The following GPC3 variants were observed in gnomAD, a reference collection of about 807,000 sequenced individuals.
GPC3 encodes glypican-3.
GPC3 carries 3 observed loss-of-function variants against 34.4 expected under a neutral mutation model. The ratio of observed to expected loss-of-function variants is 0.09; its 90% confidence interval spans 0.04 to 0.23. The LOEUF (loss-of-function observed/expected upper bound fraction) is 0.23, where lower values mean the gene tolerates loss of function less well. Ranked by LOEUF, GPC3 falls within the 10% of genes least tolerant of loss-of-function variation. The pLI, the probability that GPC3 is intolerant of heterozygous loss-of-function variation, is 1.00. For synonymous variants in GPC3, 177 were observed against 174.0 expected (o/e 1.02, Z -0.13); for missense variants, 351 against 445.6 (o/e 0.79, Z 1.91).
intron 7 of GPC3, among the ~76,000 whole-genome samples, chrX:133,575,712 G>A (rs745945435): frequency 1.8e-5 from 2 of 111,654 alleles, no homozygotes; most frequent in East Asian, 5.6e-4. Flanking sequence ...ATATACTGAG[G>A]CCGGATGGTC....
intron 2 of GPC3, among the ~76,000 whole-genome samples, chrX:133,800,435 C>A (rs1301965068): frequency 8.9e-6 from 1 of 111,806 alleles, no homozygotes; most frequent in Non-Finnish European, 1.9e-5. Context: ...AATTCCAAGC[C>A]CCACTCTAAA....
intron 2 of GPC3, among the ~76,000 whole-genome samples, chrX:133,884,309 C>G (rs1254310906): frequency 8.9e-6 from 1 of 111,810 alleles, no homozygotes; most frequent in East Asian, 2.8e-4. Flanking sequence ...GTCGTCTCTA[C>G]TTCCAGAGTC....
intron 1 of GPC3, among the ~76,000 whole-genome samples, chrX:133,955,274 T>C (rs762010064): frequency 4.9e-4 from 54 of 111,149 alleles, no homozygotes; most frequent in African/African-American, 1.7e-3. Flanking sequence ...CACAGGGGAC[T>C]TTGGCTTGAG....
intron 7 of GPC3, among the ~76,000 whole-genome samples, chrX:133,576,236 G>T (rs745516386): frequency 9.8e-4 from 108 of 110,429 alleles, no homozygotes; most frequent in Non-Finnish European, 1.4e-3. Context: ...CTGTTTTTTT[G>T]TTTGTTTGTT....
At chrX:133,805,645 A>G (rs1310402900) in intron 2 of GPC3, among the ~76,000 whole-genome samples, 3 of 112,183 alleles carry the variant, frequency 2.7e-5, no homozygotes, top group Non-Finnish European at 5.6e-5. Context: ...ACTTTGACCA[A>G]GTTCCTTAAC....
At chrX:133,902,757 G>A (rs1437836983) in intron 2 of GPC3, among the ~76,000 whole-genome samples, 1 of 111,438 alleles carries the variant, frequency 9.0e-6, no homozygotes, top group Non-Finnish European at 1.9e-5. Context: ...TTTAGGATAT[G>A]TAAAACAAAA....
At chrX:133,607,232 A>G (rs2070060111) in intron 6 of GPC3, among the ~76,000 whole-genome samples, 1 of 110,057 alleles carries the variant, frequency 9.1e-6, no homozygotes, top group South Asian at 4.0e-4. Context: ...CAGGGTAGCT[A>G]GTATAAAGTT....
At chrX:133,907,807 G>A (rs1183660377) in intron 2 of GPC3, among the ~76,000 whole-genome samples, 1 of 110,996 alleles carries the variant, frequency 9.0e-6, no homozygotes, top group Non-Finnish European at 1.9e-5. Context: ...TAAAATTCTT[G>A]GATCAAACAA....
intron 7 of GPC3, among the ~76,000 whole-genome samples, chrX:133,583,812 T>C (rs1424387324): frequency 8.9e-6 from 1 of 112,180 alleles, no homozygotes; most frequent in African/African-American, 3.2e-5. Context: ...ATGTCATGCA[T>C]TGGCTCCAGA....
At chrX:133,727,013 G>C (rs1237708571) in intron 3 of GPC3, among the ~76,000 whole-genome samples, 2 of 111,964 alleles carry the variant, frequency 1.8e-5, no homozygotes, top group East Asian at 5.6e-4. Flanking sequence ...TTCTCAAAGG[G>C]AAAGGCAATA....
intron 6 of GPC3, among the ~76,000 whole-genome samples, chrX:133,606,936 A>T (rs2070057096): frequency 9.0e-6 from 1 of 111,714 alleles, no homozygotes; most frequent in African/African-American, 3.2e-5. Context: ...TCCAAACAGG[A>T]TAAATTCAGA....
intron 7 of GPC3, among the ~76,000 whole-genome samples, chrX:133,554,460 T>C (rs1443004653): frequency 1.8e-5 from 2 of 110,975 alleles, no homozygotes; most frequent in Non-Finnish European, 3.8e-5. Context: ...TTCAGTTCTT[T>C]GTCCTGCATT....
intron 4 of GPC3, among the ~76,000 whole-genome samples, chrX:133,698,601 A>G (rs1181112241): frequency 3.6e-5 from 4 of 112,050 alleles, no homozygotes; most frequent in Non-Finnish European, 7.5e-5. Flanking sequence ...GAATACTACA[A>G]TAGGGTTCCT....
chrX:133,677,750 C>G (rs980036837), intron 5 of GPC3, among the ~76,000 whole-genome samples: 9 of 111,435 alleles, frequency 8.1e-5, no homozygotes, highest in African/African-American at 2.9e-4. Flanking sequence ...CTCCTTCTTC[C>G]AGGGGATGGC....
At chrX:133,723,663 C>A (rs2124457448) in intron 3 of GPC3, among the ~76,000 whole-genome samples, 1 of 111,009 alleles carries the variant, frequency 9.0e-6, no homozygotes, top group African/African-American at 3.3e-5. Flanking sequence ...GAATGTGTCA[C>A]CTTCTCCCTC....
intron 5 of GPC3, among the ~76,000 whole-genome samples, chrX:133,675,148 G>T (rs944617832): frequency 1.8e-5 from 2 of 112,057 alleles, no homozygotes; most frequent in African/African-American, 6.5e-5. Context: ...CAGCCTCAAA[G>T]AACAAACTGT....
At chrX:133,948,966 A>C (rs1284967575) in intron 2 of GPC3, among the ~76,000 whole-genome samples, 1 of 112,029 alleles carries the variant, frequency 8.9e-6, no homozygotes, top group East Asian at 2.8e-4. Context: ...TGTCTAGATA[A>C]TGCATGCATA....
intron 7 of GPC3, among the ~76,000 whole-genome samples, chrX:133,567,004 T>C (rs2069587119): frequency 8.9e-6 from 1 of 112,184 alleles, no homozygotes; most frequent in Non-Finnish European, 1.9e-5. Context: ...CCAAACTTCA[T>C]TGACCCTCAA....
At chrX:133,937,957 T>C (rs1003998311) in intron 2 of GPC3, among the ~76,000 whole-genome samples, 6 of 111,818 alleles carry the variant, frequency 5.4e-5, no homozygotes, top group Non-Finnish European at 9.4e-5. Flanking sequence ...TCTCTTTCCA[T>C]GTGCATATTT....
Sources: allele counts gnomAD v4.1 joint callset (sites outside exome capture counted in the v4.1 genomes callset), GRCh38; gene constraint gnomAD v4.1.1; transcripts MANE v1.5; gene names NCBI Gene and HGNC (gene_info 2026-07-23, HGNC 2026-07-21).